Variants in ARHGAP26 observed in about 807,000 individuals in gnomAD.
The protein encoded by ARHGAP26 is Rho GTPase activating protein 26, also known as rho GTPase-activating protein 26.
A neutral mutation model predicts 104.8 loss-of-function variants in ARHGAP26; 38 were observed. The ratio of observed to expected loss-of-function variants is 0.36; its 90% CI spans 0.28 to 0.48. ARHGAP26 has a LOEUF of 0.48. ARHGAP26 is among the 20% of genes least tolerant of loss of function. ARHGAP26 has a pLI of 0.99. For missense variants in ARHGAP26, 704 were observed against 947.9 expected, an observed-to-expected ratio of 0.74 and a Z score of 3.38; for synonymous variants, 341 against 340.0, an observed-to-expected ratio of 1.00 and a Z score of -0.03.
chr5:142,951,361 G>T (rs1364463590), intron 11 of ARHGAP26, among the ~76,000 whole-genome samples: 1 of 152,176 alleles, frequency 6.6e-6, no homozygotes. Context: ...TACCTGGCCA[G>T]ACCTTTTCTT....
chr5:143,121,181 G>A (rs1161328814), intron 18 of ARHGAP26, 34 bp downstream of exon 18: 9 of 1,596,014 alleles, frequency 5.6e-6, no homozygotes, highest in African/African-American at 1.3e-5. Flanking sequence ...AGTGAAGAAT[G>A]TACCTGGGGG....
Position 143,226,376 on chromosome 5 carries a change from G to C in ARHGAP26, c.*3930G>C, listed in dbSNP as rs1041485445. 1.1e-5 allele frequency: 2 copies of C among 175,238 alleles called. No homozygotes were observed. The highest frequency in any genetic ancestry group is 4.8e-5 in the African/African-American group (2 of 42,060). 10.9% of individuals were successfully genotyped at this position (175,238 alleles called of 1,614,324 possible). ...GGCGCCTGTAGTCCCAGCTACTCTGGAGGCTGAGGCAGGAGAATGGCATGA... is the reference window on the plus strand; with the variant it reads ...GGCGCCTGTAGTCCCAGCTACTCTGCAGGCTGAGGCAGGAGAATGGCATGA... On this transcript the variant is annotated 3_prime_UTR_variant, in exon 23 of 23. Coordinates refer to ENST00000645722, the MANE Select transcript of ARHGAP26 (RefSeq NM_001135608.3).
At chr5:143,196,328 A>G (rs1341966394) in intron 20 of ARHGAP26, among the ~76,000 whole-genome samples, 1 of 152,126 alleles carries the variant, frequency 6.6e-6, no homozygotes. Flanking sequence ...TAACCTCATA[A>G]ATACAGTCCA....
At chr5:142,796,054 CTGTGTGTGTGTGTGTGTGTGTG>C (rs71890315) in intron 1 of ARHGAP26, among the ~76,000 whole-genome samples, 1 of 144,048 alleles carries the variant, frequency 6.9e-6, no homozygotes, top group Admixed American at 6.9e-5. Flanking sequence ...AGGTGTTTTT[CTGTGTGTGTGTGTGTGTGTGTG>C]TGTGTGTGTG....
chr5:143,179,632 T>G (rs1804012982), intron 20 of ARHGAP26, among the ~76,000 whole-genome samples: 1 of 152,226 alleles, frequency 6.6e-6, no homozygotes, highest in Non-Finnish European at 1.5e-5. Context: ...CCAGAAGACA[T>G]CTGGAAGGAG....
At chr5:143,065,064 A>AGG (rs1787289545) in intron 17 of ARHGAP26, among the ~76,000 whole-genome samples, 1 of 152,062 alleles carries the variant, frequency 6.6e-6, no homozygotes, top group Admixed American at 6.6e-5. Flanking sequence ...CCCCTCCCAA[A>AGG]TTAAGGGAGG....
intron 20 of ARHGAP26, among the ~76,000 whole-genome samples, chr5:143,151,276 G>T (rs777222087): frequency 6.6e-6 from 1 of 152,192 alleles, no homozygotes; most frequent in African/African-American, 2.4e-5. Flanking sequence ...AACATCAAAT[G>T]CTGGCTAGGA....
intron 20 of ARHGAP26, among the ~76,000 whole-genome samples, chr5:143,154,845 TC>T (rs896630904): frequency 4.6e-5 from 7 of 152,170 alleles, no homozygotes; most frequent in African/African-American, 1.4e-4. Flanking sequence ...AAGTGATAAT[TC>T]ATAGCATTTT....
At chr5:142,885,914 G>T (rs1285471337) in intron 5 of ARHGAP26, among the ~76,000 whole-genome samples, 1 of 151,964 alleles carries the variant, frequency 6.6e-6, no homozygotes, top group East Asian at 1.9e-4. Context: ...TATATATTTT[G>T]TGCTTTGGTA....
intron 1 of ARHGAP26, 44 bp downstream of exon 1, chr5:142,770,959 G>C: frequency 6.4e-7 from 1 of 1,556,564 alleles, no homozygotes; most frequent in Non-Finnish European, 8.7e-7. Flanking sequence ...CGGGGCGGGA[G>C]GAACTGGGAG....
At chr5:142,802,425 T>C (rs1258678271) in intron 1 of ARHGAP26, among the ~76,000 whole-genome samples, 1 of 152,200 alleles carries the variant, frequency 6.6e-6, no homozygotes, top group East Asian at 1.9e-4. Context: ...CTTAACATTG[T>C]CGGTAGGTTC....
chr5:143,047,220 TC>T (rs1167749475), intron 14 of ARHGAP26, among the ~76,000 whole-genome samples: 1 of 152,202 alleles, frequency 6.6e-6, no homozygotes, highest in Non-Finnish European at 1.5e-5. Flanking sequence ...AGGGTAAACA[TC>T]CCCATTGAGG....
chr5:143,001,542 CTTCT>C (rs1292508416), intron 11 of ARHGAP26, among the ~76,000 whole-genome samples: 3 of 152,192 alleles, frequency 2.0e-5, no homozygotes, highest in African/African-American at 7.2e-5. Context: ...TTTACTGTCT[CTTCT>C]TTCATCTTTT....
chr5:143,167,416 G>A (rs35800463), intron 20 of ARHGAP26, among the ~76,000 whole-genome samples: 3,319 of 135,000 alleles, frequency 0.025, 152 homozygotes, highest in African/African-American at 0.086. Flanking sequence ...CGGGGGGGAA[G>A]AGGTTACAGT....
At chr5:142,949,232 G>GGAGAGAGAGA (rs1554167353) in intron 11 of ARHGAP26, among the ~76,000 whole-genome samples, 2 of 27,338 alleles carry the variant, frequency 7.3e-5, no homozygotes, top group Non-Finnish European at 1.2e-4. Context: ...GAGAGAGAGA[G>GGAGAGAGAGA]GAGAGAGAGA....
chr5:142,777,448 A>C (rs1026379654), intron 1 of ARHGAP26, among the ~76,000 whole-genome samples: 1 of 152,238 alleles, frequency 6.6e-6, no homozygotes, highest in African/African-American at 2.4e-5. Flanking sequence ...GCAAGTTGTA[A>C]AGGGGACTTT....
intron 11 of ARHGAP26, among the ~76,000 whole-genome samples, chr5:142,962,504 G>A (rs1770430825): frequency 6.6e-6 from 1 of 152,154 alleles, no homozygotes; most frequent in African/African-American, 2.4e-5. Flanking sequence ...CGGATACAGG[G>A]CATCTTTATA....
chr5:142,912,284 C>T lies in ARHGAP26; in HGVS notation c.934-915C>T, dbSNP rs185570743. On this transcript the variant is annotated intron_variant, in intron 9 of 22. Coordinates refer to ENST00000645722, the MANE Select transcript of ARHGAP26 (RefSeq NM_001135608.3). ...ATGTGGATGAATAGCAAAGCAATTA[C>T]GTTAAGTGAAAAAAGCCAGACAAAA... is the stretch of plus-strand genomic sequence containing the variant. Among the ~76,000 whole-genome samples the T allele has an allele frequency of 1.5e-3, 225 of 152,246 alleles. 4 individuals are homozygous for T. Among genetic ancestry groups the T allele is most frequent in the Middle Eastern group, 6.8e-3 (2 of 294 alleles).
At chr5:143,023,967 C>T (rs966376423) in intron 12 of ARHGAP26, among the ~76,000 whole-genome samples, 4 of 152,212 alleles carry the variant, frequency 2.6e-5, no homozygotes, top group Non-Finnish European at 5.9e-5. Flanking sequence ...CGCAGTCAGG[C>T]GAGGTGGTAT....
Sources: gnomAD v4.1 joint callset for allele counts (sites outside exome capture counted in the v4.1 genomes callset) on GRCh38, gnomAD v4.1.1 for gene constraint, MANE v1.5 for transcripts, NCBI Gene and HGNC (gene_info 2026-07-23, HGNC 2026-07-21) for gene names.